The following PCDH17 variants were observed in gnomAD, a reference collection of about 807,000 sequenced individuals.
PCDH17 encodes protocadherin-17.
A neutral mutation model predicts 67.7 loss-of-function variants in PCDH17; 21 were observed. The observed-to-expected ratio is 0.31, with a 90% CI of 0.22 to 0.45. PCDH17 has a LOEUF of 0.45. Among genes scored for constraint, PCDH17 ranks in the 20% least tolerant of loss-of-function variants. The probability of loss-of-function intolerance (pLI) is 1.00; values close to 1 mark genes in which losing one functional copy is unlikely to be tolerated. For missense variants in PCDH17, 1,471 were observed against 1,564.8 expected, an observed-to-expected ratio of 0.94 and a Z score of 1.01; for synonymous variants, 701 against 656.7, an observed-to-expected ratio of 1.07 and a Z score of -1.03.
intron 3 of PCDH17, among the ~76,000 whole-genome samples, chr13:57,669,756 G>T (rs950635282): frequency 5.3e-5 from 8 of 152,020 alleles, no homozygotes; most frequent in African/African-American, 1.7e-4. Context: ...TCTGGATATG[G>T]CTCTAACTTT....
intron 1 of PCDH17, among the ~76,000 whole-genome samples, chr13:57,653,156 ATT>A (rs1955062646): frequency 6.6e-6 from 1 of 152,070 alleles, no homozygotes; most frequent in South Asian, 2.1e-4. Context: ...AATTTATTTA[ATT>A]TTATTAAATT....
intron 1 of PCDH17, among the ~76,000 whole-genome samples, chr13:57,644,126 G>A (rs1954937038): frequency 6.6e-6 from 1 of 151,620 alleles, no homozygotes; most frequent in African/African-American, 2.4e-5. Context: ...GTTGGCAGAT[G>A]CACGGGTAGT....
upstream of PCDH17, among the ~76,000 whole-genome samples, chr13:57,630,353 T>TA (rs77570917): frequency 0.15 from 20,906 of 137,664 alleles, 1,565 homozygotes; most frequent in Admixed American, 0.19. Context: ...AAGGAGGAAT[T>TA]AAAAAAAAAA....
chr13:57,671,277 GGAAAA>G, intron 3 of PCDH17, among the ~76,000 whole-genome samples: 1 of 150,254 alleles, frequency 6.7e-6, no homozygotes, highest in South Asian at 2.1e-4. Context: ...TTTAAAAATG[GGAAAA>G]GAAAACCATG....
rs1269806928 is a variant in PCDH17 at position 57,726,294 on chromosome 13, T to G, written c.*1000T>G. The G allele has an allele frequency of 6.6e-6, 1 of 152,630 alleles. No homozygotes were observed. Among genetic ancestry groups the G allele is most frequent in the Non-Finnish European group, 1.5e-5 (1 of 68,026 alleles). 9.5% of individuals were successfully genotyped at this position (152,630 alleles called of 1,614,324 possible). A position where few individuals can be genotyped will look rare whatever the true frequency, so the allele number is the denominator to read the frequency against. ...TGCAAATGTAAGAAGATTCAATGTGTTTACATCAAATGACATATTTTATTG... is the reference window on the plus strand; with the variant it reads ...TGCAAATGTAAGAAGATTCAATGTGGTTACATCAAATGACATATTTTATTG... On this transcript the variant is annotated 3_prime_UTR_variant, in exon 4 of 4. Transcript: ENST00000377918.
At chr13:57,635,591 AT>A (rs1954813619) in intron 1 of PCDH17, among the ~76,000 whole-genome samples, 1 of 152,212 alleles carries the variant, frequency 6.6e-6, no homozygotes, top group Non-Finnish European at 1.5e-5. Context: ...ACCAGTCAGA[AT>A]TTCAGAGTTC....
intron 3 of PCDH17, among the ~76,000 whole-genome samples, chr13:57,681,003 A>C (rs1204073646): frequency 6.6e-6 from 1 of 151,810 alleles, no homozygotes; most frequent in African/African-American, 2.4e-5. Flanking sequence ...TAAAGAAAAA[A>C]TTATTAAACA....
rs559436929 is a variant in PCDH17 at position 57,705,813 on chromosome 13, C to G, written c.2798-18799C>G. Reference sequence around the variant, plus strand: ...GGTGGATCACCTGAGGTCTGGAGTTCAAGACCAGCCTGACCCACATGGAGA... The same window carrying G: ...GGTGGATCACCTGAGGTCTGGAGTTGAAGACCAGCCTGACCCACATGGAGA... On this transcript the variant is annotated intron_variant, in intron 3 of 3. Transcript: ENST00000377918. Among the ~76,000 whole-genome samples, 71 of 152,040 alleles carry G rather than the reference C, an allele frequency of 4.7e-4. 1 individual carries two copies. The highest frequency in any genetic ancestry group is 4.1e-3 in the Admixed American group (63 of 15,260).
At chr13:57,711,931 T>G (rs1290316947) in intron 3 of PCDH17, among the ~76,000 whole-genome samples, 1 of 151,446 alleles carries the variant, frequency 6.6e-6, no homozygotes, top group African/African-American at 2.4e-5. Context: ...TTATTTATAT[T>G]TGGGATTTTA....
chr13:57,687,154 TA>T (rs1403675712), intron 3 of PCDH17, among the ~76,000 whole-genome samples: 9 of 152,118 alleles, frequency 5.9e-5, no homozygotes, highest in Admixed American at 3.9e-4. Context: ...TTAGGTACTT[TA>T]TTTTATTCTC....
intron 1 of PCDH17, among the ~76,000 whole-genome samples, chr13:57,645,989 T>C (rs1954961025): frequency 1.3e-5 from 2 of 151,626 alleles, no homozygotes; most frequent in African/African-American, 4.8e-5. Flanking sequence ...ATTTTCTATA[T>C]GATAATTTTA....
chr13:57,649,744 G>A lies in PCDH17; in HGVS notation c.2565+14633G>A, dbSNP rs560260314. ...TCAGCTTGAGCTATTTATGCACTGT[G>A]CTACTGGATGCACCATTTTATATTT... is the stretch of plus-strand genomic sequence containing the variant. On this transcript the variant is annotated intron_variant, in intron 1 of 3. Coordinates refer to ENST00000377918, the MANE Select transcript of PCDH17 (RefSeq NM_001040429.3). Among the ~76,000 whole-genome samples, 44 of 152,232 alleles carry A rather than the reference G, an allele frequency of 2.9e-4. No individual in the cohort carries two copies. In the South Asian group the frequency reaches 9.1e-3, roughly 32 times the overall value.
intron 3 of PCDH17, among the ~76,000 whole-genome samples, chr13:57,701,428 A>G (rs1022431596): frequency 2.0e-5 from 3 of 152,150 alleles, no homozygotes; most frequent in Non-Finnish European, 4.4e-5. Flanking sequence ...TATTTCTCAG[A>G]ATTTTCTACT....
In PCDH17 at chr13:57,632,001, G is replaced by A. The variant is rs147388997; in HGVS notation, c.-546G>A. The A allele has an allele frequency of 6.4e-6, 1 of 156,866 alleles. No homozygotes were observed. The highest frequency in any genetic ancestry group is 1.4e-5 in the Non-Finnish European group (1 of 71,708). The allele number at this position is 156,866 out of a possible 1,614,324, so 9.7% of individuals were successfully genotyped here. A position where few individuals can be genotyped will look rare whatever the true frequency, so the allele number is the denominator to read the frequency against. ...TTCATCCCCATCAATTTCATCACGG[G>A]AGGCGAGCAGCAAGTAAGAATTTCA... On this transcript the variant is annotated 5_prime_UTR_variant, in exon 1 of 4. Coordinates refer to ENST00000377918, the MANE Select transcript of PCDH17 (RefSeq NM_001040429.3).
chr13:57,658,918 T>C (rs1955146872), intron 1 of PCDH17, among the ~76,000 whole-genome samples: 1 of 152,106 alleles, frequency 6.6e-6, no homozygotes, highest in African/African-American at 2.4e-5. Flanking sequence ...CTACTAAAAT[T>C]ACAAAAGAAT....
chr13:57,699,743 C>G (rs73519496), intron 3 of PCDH17, among the ~76,000 whole-genome samples: 2,594 of 152,018 alleles, frequency 0.017, 71 homozygotes, highest in African/African-American at 0.059. Context: ...TGATAAAGAT[C>G]TTCTACCGCA....
chr13:57,638,710 A>G (rs1417323314), intron 1 of PCDH17, among the ~76,000 whole-genome samples: 1 of 152,042 alleles, frequency 6.6e-6, no homozygotes, highest in African/African-American at 2.4e-5. Flanking sequence ...CCTAGAGCCA[A>G]TCCAAATATA....
At chr13:57,724,090 C>A (rs577066439) in intron 3 of PCDH17, among the ~76,000 whole-genome samples, 3 of 152,242 alleles carry the variant, frequency 2.0e-5, no homozygotes, top group South Asian at 4.1e-4. Flanking sequence ...GAAAAGTAAG[C>A]ATTTAAAGGA....
At chr13:57,682,088 T>C (rs1299207682) in intron 3 of PCDH17, among the ~76,000 whole-genome samples, 2 of 151,672 alleles carry the variant, frequency 1.3e-5, no homozygotes, top group Non-Finnish European at 2.9e-5. Flanking sequence ...TAAACTCCAT[T>C]TTTTTTCCTC....
Sources: gnomAD v4.1 joint callset for allele counts (sites outside exome capture counted in the v4.1 genomes callset) on GRCh38, gnomAD v4.1.1 for gene constraint, MANE v1.5 for transcripts, NCBI Gene and HGNC (gene_info 2026-07-23, HGNC 2026-07-21) for gene names.